The following TUSC3 variants were observed in gnomAD, a reference collection of about 807,000 sequenced individuals.
TUSC3 encodes the protein dolichyl-diphosphooligosaccharide--protein glycosyltransferase subunit TUSC3.
In TUSC3, 45 loss-of-function variants were observed where a neutral mutation model predicts 44.8. That is an observed-to-expected ratio of 1.00 (90% CI 0.79 to 1.29). The LOEUF (loss-of-function observed/expected upper bound fraction) is 1.29. Ranked by LOEUF, TUSC3 falls within the 50% of genes most tolerant of loss-of-function variation. The pLI is 0.00. For missense variants in TUSC3, 519 were observed against 437.9 expected, an observed-to-expected ratio of 1.19 and a Z score of -1.65; for synonymous variants, 212 against 152.9, an observed-to-expected ratio of 1.39 and a Z score of -2.85.
intron 2 of TUSC3, among the ~76,000 whole-genome samples, chr8:15,528,809 A>C (rs1013254057): frequency 4.6e-5 from 7 of 152,206 alleles, no homozygotes; most frequent in African/African-American, 1.7e-4. Flanking sequence ...GTATAATTTC[A>C]TTAAGATACC....
chr8:15,497,881 A>T lies in TUSC3; in HGVS notation n.189+14398A>T, dbSNP rs546263488. On this transcript the variant is annotated intron_variant and non_coding_transcript_variant, in intron 2 of 5. Coordinates refer to the TUSC3 transcript ENST00000503191. ...TGCCTCAGCCTCCTGAGTAGTTGGG[A>T]TTCTGTAATCTCTCCTGCCACCATG... Among the ~76,000 whole-genome samples, 100 of 151,822 alleles carry T rather than the reference A, an allele frequency of 6.6e-4. No homozygotes were observed. In the South Asian group the frequency reaches 0.021, roughly 32 times the overall value.
At position 15,475,981 on chromosome 8, in the gene TUSC3, A is replaced by G. The variant is rs574107807; in HGVS notation, n.92-7405A>G. On this transcript the variant is annotated intron_variant and non_coding_transcript_variant, in intron 1 of 5. Coordinates refer to the TUSC3 transcript ENST00000503191. ...GGACTTCTGGAATTTTAACAACATA[A>G]TGAGGGTCTTCTTTTTGGCTTTCTG... Among the ~76,000 whole-genome samples, 284 of 152,306 alleles carry G rather than the reference A, an allele frequency of 1.9e-3. 2 individuals carry two copies. The highest frequency in any genetic ancestry group is 6.3e-3 in the African/African-American group (260 of 41,574).
At chr8:15,763,240 C>T (rs923371766) in intron 10 of TUSC3, among the ~76,000 whole-genome samples, 1 of 151,798 alleles carries the variant, frequency 6.6e-6, no homozygotes, top group Non-Finnish European at 1.5e-5. Context: ...AAAAGAACTT[C>T]GGGAATCATC....
intron 2 of TUSC3, among the ~76,000 whole-genome samples, chr8:15,498,334 T>G (rs988219300): frequency 1.3e-5 from 2 of 152,148 alleles, no homozygotes; most frequent in African/African-American, 4.8e-5. Flanking sequence ...CTCAGCGATG[T>G]AGGAAGCAAG....
the TUSC3 span, among the ~76,000 whole-genome samples, chr8:15,775,655 C>T: frequency 2.8e-5 from 3 of 107,428 alleles, no homozygotes; most frequent in African/African-American, 1.1e-4. Context: ...TATATACACA[C>T]ACATATACAT....
chr8:15,430,354 A>G (rs1799857133), intron 1 of TUSC3, among the ~76,000 whole-genome samples: 1 of 150,616 alleles, frequency 6.6e-6, no homozygotes, highest in Admixed American at 6.6e-5. Context: ...AATCCAGCGT[A>G]TAAACAGAAC....
chr8:15,444,766 G>GA (rs56249574), intron 1 of TUSC3, among the ~76,000 whole-genome samples: 3 of 151,454 alleles, frequency 2.0e-5, no homozygotes, highest in East Asian at 3.9e-4. Flanking sequence ...TATATGTATA[G>GA]AAAAAAAAAT....
chr8:15,494,812 GTTTTC>G (rs1266842751), intron 2 of TUSC3, among the ~76,000 whole-genome samples: 3 of 152,166 alleles, frequency 2.0e-5, no homozygotes, highest in African/African-American at 7.2e-5. Context: ...GAATTAGGGA[GTTTTC>G]TTTTCTTGTG....
At chr8:15,572,260 C>T (rs555671290) in intron 1 of TUSC3, among the ~76,000 whole-genome samples, 1 of 152,168 alleles carries the variant, frequency 6.6e-6, no homozygotes, top group African/African-American at 2.4e-5. Context: ...TAAACACTTG[C>T]TGCTTCATCT....
At chr8:15,633,464 C>G (rs1249252638) in intron 2 of TUSC3, among the ~76,000 whole-genome samples, 3 of 152,108 alleles carry the variant, frequency 2.0e-5, no homozygotes. Flanking sequence ...CCCAGGTAGC[C>G]CAGACTGTGG....
intron 1 of TUSC3, among the ~76,000 whole-genome samples, chr8:15,588,155 G>A (rs1803673842): frequency 6.6e-6 from 1 of 152,020 alleles, no homozygotes; most frequent in Non-Finnish European, 1.5e-5. Context: ...TAACCATAAT[G>A]GGGGTAATAA....
the TUSC3 span, among the ~76,000 whole-genome samples, chr8:15,779,820 C>A: frequency 6.6e-6 from 1 of 152,138 alleles, no homozygotes; most frequent in Non-Finnish European, 1.5e-5. Context: ...TTGTAACTCT[C>A]ACCAAACTAG....
At chr8:15,778,099 C>CA in the TUSC3 span, among the ~76,000 whole-genome samples, 36,783 of 134,538 alleles carry the variant, frequency 0.27, 4,857 homozygotes, top group Admixed American at 0.39. Flanking sequence ...CACTTTAAGG[C>CA]AAAAAAAAAA....
Position 15,540,612 on chromosome 8 carries a change from C to T in TUSC3, c.138+44C>T, listed in dbSNP as rs753305427. The T allele has an allele frequency of 4.0e-6, 6 of 1,495,826 alleles. No individual in the cohort carries two copies. The South Asian group carries it at 5.1e-5, about 13-fold the overall frequency. The allele number at this position is 1,495,826 out of a possible 1,614,324, so 92.7% of individuals were successfully genotyped here. On this transcript the variant is annotated intron_variant, in intron 1 of 10. Transcript: ENST00000503731. ...GCCTTCCCCTGTGGGCGGGGGCGGG[C>T]CAGGGTGGGCCGCGTTGCCAGGCAG...
chr8:15,489,725 C>T (rs978844810), intron 2 of TUSC3, among the ~76,000 whole-genome samples: 11 of 152,128 alleles, frequency 7.2e-5, no homozygotes, highest in South Asian at 2.1e-4. Flanking sequence ...TGGCCAGTTG[C>T]GCATGAATTC....
chr8:15,577,622 G>GTAGA (rs1803167903), intron 1 of TUSC3, among the ~76,000 whole-genome samples: 1 of 130,718 alleles, frequency 7.7e-6, no homozygotes, highest in Non-Finnish European at 1.7e-5. Context: ...TCAGATAGTT[G>GTAGA]TAGATATGCG....
the TUSC3 span, among the ~76,000 whole-genome samples, chr8:15,799,644 A>C: frequency 2.0e-5 from 3 of 152,150 alleles, no homozygotes; most frequent in South Asian, 6.2e-4. Flanking sequence ...ACCTATTCCC[A>C]TGGACTTTTC....
intron 1 of TUSC3, among the ~76,000 whole-genome samples, chr8:15,422,741 C>T (rs899205427): frequency 3.3e-5 from 5 of 152,066 alleles, no homozygotes; most frequent in African/African-American, 1.2e-4. Context: ...AGCTTCAATT[C>T]CCCCAGGCGC....
chr8:15,441,931 C>T (rs1387166186), intron 1 of TUSC3, among the ~76,000 whole-genome samples: 17 of 152,104 alleles, frequency 1.1e-4, no homozygotes. Flanking sequence ...GAAAGCAAGT[C>T]CCCAGGAGAA....
Sources: allele counts gnomAD v4.1 joint callset (sites outside exome capture counted in the v4.1 genomes callset), GRCh38; gene constraint gnomAD v4.1.1; transcripts MANE v1.5; gene names NCBI Gene and HGNC (gene_info 2026-07-23, HGNC 2026-07-21).